Variants in SLC9A2 observed in about 807,000 individuals in gnomAD.
SLC9A2 encodes solute carrier family 9 member A2, also known as sodium/hydrogen exchanger 2.
SLC9A2 carries 42 observed loss-of-function variants against 71.7 expected under a neutral mutation model. The observed-to-expected ratio is 0.59, with a 90% CI of 0.46 to 0.76. The LOEUF is 0.76. SLC9A2 is among the 30% of genes least tolerant of loss of function. SLC9A2 has a pLI of 0.00. For synonymous variants in SLC9A2, 396 were observed against 392.5 expected, an observed-to-expected ratio of 1.01 and a Z score of -0.10; for missense variants, 829 against 1,017.4, an observed-to-expected ratio of 0.81 and a Z score of 2.52.
chr2:102,666,200 T>C (rs1456524940), intron 3 of SLC9A2, among the ~76,000 whole-genome samples: 1 of 148,568 alleles, frequency 6.7e-6, no homozygotes, highest in African/African-American at 2.5e-5. Flanking sequence ...TTAGCTTTTT[T>C]TTTTTTTTTT....
chr2:102,621,438 C>T (rs889505517), intron 1 of SLC9A2, among the ~76,000 whole-genome samples: 3 of 151,234 alleles, frequency 2.0e-5, no homozygotes, highest in East Asian at 1.9e-4. Context: ...TATATTTTCT[C>T]ATCTTCATTA....
intron 3 of SLC9A2, among the ~76,000 whole-genome samples, chr2:102,679,076 T>C (rs1677399224): frequency 6.6e-6 from 1 of 152,144 alleles, no homozygotes; most frequent in Non-Finnish European, 1.5e-5. Flanking sequence ...CAGACCAGAA[T>C]GGGAACTTTA....
In SLC9A2 at chr2:102,684,707, C is replaced by T. The variant is rs191425248; in HGVS notation, c.1425+371C>T. The stretch of plus-strand genomic sequence containing the variant: ...TATTTGACATGAGTTGACTGCCTCG[C>T]GGTGACTCCCCTAAATGAGGAATGG... On this transcript the variant is annotated intron_variant, in intron 5 of 11. Transcript: ENST00000233969. Among the ~76,000 whole-genome samples, 7 of 152,266 alleles carry T rather than the reference C, an allele frequency of 4.6e-5. No individual in the cohort carries two copies. In the East Asian group the frequency reaches 1.3e-3, roughly 29 times the overall value.
intron 1 of SLC9A2, among the ~76,000 whole-genome samples, chr2:102,638,703 G>T (rs1014409087): frequency 1.3e-5 from 2 of 152,240 alleles, no homozygotes; most frequent in Non-Finnish European, 2.9e-5. Context: ...CTTTAAAAAT[G>T]TGTCTGTGAG....
intron 1 of SLC9A2, among the ~76,000 whole-genome samples, chr2:102,631,272 T>C (rs1356265557): frequency 6.6e-6 from 1 of 152,054 alleles, no homozygotes; most frequent in African/African-American, 2.4e-5. Context: ...CTTCCTTTTT[T>C]TCTTGGCTAA....
intron 5 of SLC9A2, among the ~76,000 whole-genome samples, chr2:102,685,147 C>CA (rs1405228268): frequency 6.6e-6 from 1 of 152,176 alleles, no homozygotes; most frequent in Non-Finnish European, 1.5e-5. Context: ...GAGATTTGAG[C>CA]AAAGACATGC....
chr2:102,669,647 A>C (rs1390383968), intron 3 of SLC9A2, among the ~76,000 whole-genome samples: 1 of 152,224 alleles, frequency 6.6e-6, no homozygotes, highest in East Asian at 1.9e-4. Flanking sequence ...GCCTTGACTC[A>C]TGTGTTTTGA....
At chr2:102,670,526 G>A (rs933598506) in intron 3 of SLC9A2, among the ~76,000 whole-genome samples, 6 of 148,558 alleles carry the variant, frequency 4.0e-5, no homozygotes, top group African/African-American at 1.5e-4. Context: ...TGACTCAGTG[G>A]AGAATGAGAC....
chr2:102,695,749 A>G (rs1385972080), intron 7 of SLC9A2, among the ~76,000 whole-genome samples: 1 of 117,600 alleles, frequency 8.5e-6, no homozygotes, highest in Non-Finnish European at 1.9e-5. Flanking sequence ...AGATGAGCAG[A>G]AATAACGTGT....
At chr2:102,620,444 ATC>A in intron 1 of SLC9A2, among the ~76,000 whole-genome samples, 1 of 152,170 alleles carries the variant, frequency 6.6e-6, no homozygotes, top group East Asian at 1.9e-4. Context: ...GTTGAGTGAG[ATC>A]TGTTTATTGA....
At chr2:102,633,372 A>C (rs928093523) in intron 1 of SLC9A2, among the ~76,000 whole-genome samples, 2 of 152,058 alleles carry the variant, frequency 1.3e-5, no homozygotes, top group Non-Finnish European at 1.5e-5. Context: ...TTAAAATATC[A>C]CACTTCCGGT....
chr2:102,694,530 T>C (rs1458435921), intron 6 of SLC9A2, 27 bp downstream of exon 6: 4 of 1,189,374 alleles, frequency 3.4e-6, no homozygotes, highest in East Asian at 2.4e-5. Flanking sequence ...TGTAATAATT[T>C]TAATGATAAA....
chr2:102,638,268 G>T (rs1676508858), intron 1 of SLC9A2, among the ~76,000 whole-genome samples: 1 of 152,192 alleles, frequency 6.6e-6, no homozygotes, highest in Non-Finnish European at 1.5e-5. Context: ...GATTATGTGG[G>T]ACACTTAGGG....
intron 1 of SLC9A2, among the ~76,000 whole-genome samples, chr2:102,637,228 C>T (rs532489106): frequency 2.6e-5 from 4 of 152,136 alleles, no homozygotes; most frequent in African/African-American, 4.8e-5. Flanking sequence ...AAGAATACTC[C>T]GCATGTCCAA....
intron 9 of SLC9A2, 112 bp downstream of exon 9, chr2:102,702,614 ATGCTGGG>A: frequency 1.5e-6 from 1 of 645,656 alleles, no homozygotes; most frequent in Non-Finnish European, 2.8e-6. Context: ...AGCAGGTCCC[ATGCTGGG>A]CATCTTCTCT....
In SLC9A2 at chr2:102,704,689, C is replaced by T. The variant is rs199888778; in HGVS notation, c.1977+14C>T. On this transcript the variant is annotated intron_variant, in intron 10 of 11. Transcript: ENST00000233969. The stretch of plus-strand genomic sequence containing the variant: ...CGAGAACACAGGGTAACTGAGTGTG[C>T]GCCTCTAGGAGACTTCCAGGGGTGG... The T allele has an allele frequency of 8.7e-4, 1,400 of 1,605,164 alleles. No individual in the cohort carries two copies. Among genetic ancestry groups the T allele is most frequent in the Non-Finnish European group, 1.1e-3 (1,285 of 1,174,266 alleles).
intron 1 of SLC9A2, among the ~76,000 whole-genome samples, chr2:102,637,730 C>A (rs143393762): frequency 1.3e-5 from 2 of 152,204 alleles, no homozygotes; most frequent in Non-Finnish European, 2.9e-5. Context: ...CAGGGAGGCA[C>A]CCCTGGCCCG....
intron 1 of SLC9A2, among the ~76,000 whole-genome samples, chr2:102,650,052 C>G (rs187401024): frequency 7.1e-4 from 108 of 152,272 alleles, no homozygotes; most frequent in Non-Finnish European, 1.3e-3. Context: ...TTCACAATAG[C>G]AAAGACTTCC....
chr2:102,666,258 T>G (rs11683704), intron 3 of SLC9A2, among the ~76,000 whole-genome samples: 1 of 146,566 alleles, frequency 6.8e-6, no homozygotes, highest in Non-Finnish European at 1.5e-5. Flanking sequence ...TGCAGCGGCG[T>G]GATCTCGGCT....
Sources: allele counts gnomAD v4.1 joint callset (sites outside exome capture counted in the v4.1 genomes callset), GRCh38; gene constraint gnomAD v4.1.1; transcripts MANE v1.5; gene names NCBI Gene and HGNC (gene_info 2026-07-23, HGNC 2026-07-21).